BIRC6: variants seen among roughly 807,000 people sequenced by gnomAD.
The protein encoded by BIRC6 is baculoviral IAP repeat containing 6.
Under a neutral mutation model 503.3 loss-of-function variants are expected in BIRC6, and 98 were observed. The ratio of observed to expected loss-of-function variants is 0.19; its 90% CI spans 0.17 to 0.23. The LOEUF is 0.23. Among genes scored for constraint, BIRC6 ranks in the 10% least tolerant of loss-of-function variants. The pLI, the probability that BIRC6 is intolerant of heterozygous loss-of-function variation, is 1.00. For missense variants in BIRC6, 5,360 were observed against 5,806.0 expected (o/e 0.92, Z 2.50); for synonymous variants, 2,240 against 2,078.7 (o/e 1.08, Z -2.11).
At chr2:32,525,125 C>T (rs1572809165) in intron 58 of BIRC6, 106 bp downstream of exon 58, 1 of 1,024,334 alleles carries the variant, frequency 9.8e-7, no homozygotes, top group Non-Finnish European at 1.3e-6. Context: ...ATATAAAAAG[C>T]TGACTCGTAA....
intron 72 of BIRC6, among the ~76,000 whole-genome samples, chr2:32,608,489 A>C (rs1035640868): frequency 4.0e-5 from 6 of 151,650 alleles, no homozygotes; most frequent in Admixed American, 6.6e-5. Context: ...ATCTTGGCTC[A>C]CTGCAACCTC....
At chr2:32,403,551 C>T (rs142618736) in intron 8 of BIRC6, among the ~76,000 whole-genome samples, 15 of 152,212 alleles carry the variant, frequency 9.9e-5, no homozygotes, top group African/African-American at 2.6e-4. Context: ...CTAGATGATT[C>T]ACTTGTCATT....
At chr2:32,472,110 A>G (rs2049173901) in intron 32 of BIRC6, among the ~76,000 whole-genome samples, 1 of 152,242 alleles carries the variant, frequency 6.6e-6, no homozygotes, top group Non-Finnish European at 1.5e-5. Context: ...TCTGTGGCCC[A>G]GGTTGAAGTG....
Position 32,401,110 on chromosome 2 carries a change from A to G in BIRC6, c.1035-53A>G, listed in dbSNP as rs1426633482. The G allele has an allele frequency of 1.2e-5, 18 of 1,492,440 alleles. 1 individual carries two copies. In the South Asian group the frequency reaches 2.0e-4, roughly 16 times the overall value. 92.4% of individuals were successfully genotyped at this position (1,492,440 alleles called of 1,614,324 possible). A position where few individuals can be genotyped will look rare whatever the true frequency, so the allele number is the denominator to read the frequency against. ...ATCCTGGAGTTCTGTTTTAATGTAC[A>G]AACTGAATTGCTTTATTTTTAGTAA... On this transcript the variant is annotated intron_variant, in intron 6 of 73. Coordinates refer to ENST00000421745, the MANE Select transcript of BIRC6 (RefSeq NM_016252.4).
intron 52 of BIRC6, 133 bp from the exon 53 acceptor site, chr2:32,510,393 T>C (rs1572709130): frequency 1.5e-6 from 1 of 645,408 alleles, no homozygotes; most frequent in East Asian, 2.6e-5. Context: ...TTCATTATTT[T>C]TAGAGTTTGT....
intron 67 of BIRC6, 164 bp downstream of exon 67, chr2:32,594,224 C>A: frequency 1.5e-6 from 1 of 669,110 alleles, no homozygotes; most frequent in Admixed American, 3.3e-5. Context: ...TATCTGATTT[C>A]AATCATGTAT....
At chr2:32,585,852 G>T (rs1482314996) in intron 66 of BIRC6, among the ~76,000 whole-genome samples, 1 of 152,118 alleles carries the variant, frequency 6.6e-6, no homozygotes, top group Non-Finnish European at 1.5e-5. Flanking sequence ...TTTTATGTAG[G>T]ATTTATAGTT....
chr2:32,546,449 G>A (rs1207588293), intron 63 of BIRC6, among the ~76,000 whole-genome samples: 1 of 151,922 alleles, frequency 6.6e-6, no homozygotes, highest in Non-Finnish European at 1.5e-5. Flanking sequence ...ACATGGTGGC[G>A]TGTGCCTGTA....
At chr2:32,539,911 C>T (rs1018740927) in intron 61 of BIRC6, among the ~76,000 whole-genome samples, 8 of 151,870 alleles carry the variant, frequency 5.3e-5, no homozygotes, top group Non-Finnish European at 1.0e-4. Context: ...GAAAAATTTT[C>T]AAGAAAAAGG....
intron 65 of BIRC6, among the ~76,000 whole-genome samples, chr2:32,550,359 T>TC (rs35346104): frequency 6.6e-6 from 1 of 152,114 alleles, no homozygotes; most frequent in Non-Finnish European, 1.5e-5. Context: ...TTGCCCGTAT[T>TC]CCCCAGTATC....
At chr2:32,391,885 C>A (rs1309236376) in intron 4 of BIRC6, among the ~76,000 whole-genome samples, 154 bp from the exon 5 acceptor site, 2 of 152,326 alleles carry the variant, frequency 1.3e-5, no homozygotes, top group East Asian at 3.9e-4. Flanking sequence ...CAAAAATTAC[C>A]GTTTTTAGTT....
At chr2:32,426,158 T>A (rs1159830061) in intron 10 of BIRC6, among the ~76,000 whole-genome samples, 1 of 152,262 alleles carries the variant, frequency 6.6e-6, no homozygotes, top group African/African-American at 2.4e-5. Flanking sequence ...TTCTGGTTTC[T>A]TTTTCTGATA....
chr2:32,508,575 G>A (rs1388009748), intron 51 of BIRC6, among the ~76,000 whole-genome samples: 4 of 151,944 alleles, frequency 2.6e-5, no homozygotes, highest in African/African-American at 9.7e-5. Context: ...ATTTGCAAAT[G>A]CCTATGACCA....
intron 73 of BIRC6, among the ~76,000 whole-genome samples, chr2:32,614,441 C>T (rs968959931): frequency 6.6e-6 from 1 of 152,252 alleles, no homozygotes; most frequent in Admixed American, 6.5e-5. Flanking sequence ...TTTATTTCTT[C>T]TGTGTCACTG....
At chr2:32,575,125 C>T (rs370541067) in intron 65 of BIRC6, 31 bp from the exon 66 acceptor site, 90 of 1,604,062 alleles carry the variant, frequency 5.6e-5, no homozygotes, top group Non-Finnish European at 7.0e-5. Flanking sequence ...TACATTTGCT[C>T]ATTTTGTGCT....
chr2:32,445,433 G>A, intron 20 of BIRC6, 88 bp from the exon 21 acceptor site: 3 of 1,268,570 alleles, frequency 2.4e-6, no homozygotes, highest in Non-Finnish European at 3.2e-6. Flanking sequence ...GCAAAAGGAA[G>A]TATTCTGATA....
At chr2:32,377,171 T>A (rs1409349912) in intron 1 of BIRC6, among the ~76,000 whole-genome samples, 1 of 151,974 alleles carries the variant, frequency 6.6e-6, no homozygotes. Flanking sequence ...TCTACTAGTT[T>A]TAAACATTTT....
Position 32,357,178 on chromosome 2 carries a change from G to C in BIRC6, c.17G>C (p.Gly6Ala), listed in dbSNP as rs1470309800. 6.5e-7 allele frequency: 1 copy of C among 1,533,756 alleles called. No individual in the cohort carries two copies. The highest frequency in any genetic ancestry group is 2.6e-5 in the East Asian group (1 of 38,094). Residue 6 changes from glycine (G) to alanine (A), a missense_variant, in exon 1 of 74, where the codon GGT (glycine) becomes GCT (alanine). This residue lies in a region of BIRC6 where 145 missense variants were observed against 106.9 expected (regional missense o/e 1.36). Coordinates refer to ENST00000421745, the MANE Select transcript of BIRC6 (RefSeq NM_016252.4). The surrounding 1 kb of genome is among the most constrained non-coding windows in gnomAD (Gnocchi z 4.9). Reference protein sequence around the residue: MVTGGGAAPPGTVTEP... With the variant: MVTGGAAAPPGTVTEP... ...TGGCCCCGGATGGTGACTGGTGGTGGTGCTGCACCTCCCGGGACTGTCACT... is the reference window on the plus strand; with the variant it reads ...TGGCCCCGGATGGTGACTGGTGGTGCTGCTGCACCTCCCGGGACTGTCACT...
At chr2:32,591,025 A>T in intron 66 of BIRC6, 1 of 960,568 alleles carries the variant, frequency 1.0e-6, no homozygotes, top group Non-Finnish European at 1.2e-6. Context: ...GTTGACAGTA[A>T]CCTGCAACTT....
Sources: allele counts gnomAD v4.1 joint callset (sites outside exome capture counted in the v4.1 genomes callset), GRCh38; gene constraint gnomAD v4.1.1; regional missense constraint gnomAD v4.1.1; non-coding constraint Gnocchi (gnomAD v3.1); transcripts MANE v1.5; gene names NCBI Gene and HGNC (gene_info 2026-07-23, HGNC 2026-07-21).